MAGEC3: variants seen among roughly 807,000 people sequenced by gnomAD.
MAGEC3 encodes the protein MAGE family member C3, also known as melanoma-associated antigen C3.
MAGEC3 carries 34 observed loss-of-function variants against 35.3 expected under a neutral mutation model. That is an observed-to-expected ratio of 0.96 (90% CI 0.73 to 1.28). The LOEUF (loss-of-function observed/expected upper bound fraction) is 1.28. MAGEC3 is among the 50% of genes most tolerant of loss of function. The probability of loss-of-function intolerance (pLI) is 0.00; values close to 1 mark genes in which losing one functional copy is unlikely to be tolerated. For synonymous variants in MAGEC3, 202 were observed against 185.6 expected (o/e 1.09, Z -0.72); for missense variants, 561 against 483.6 (o/e 1.16, Z -1.50).
intron 4 of MAGEC3, among the ~76,000 whole-genome samples, chrX:141,893,745 T>C (rs1032628472): frequency 9.4e-6 from 1 of 106,353 alleles, no homozygotes; most frequent in African/African-American, 3.5e-5. Flanking sequence ...GTGAGAACTC[T>C]GTAACTTTGA....
chrX:141,881,703 G>A lies in MAGEC3; in HGVS notation c.816G>A (p.Gln272=). The part of the protein sequence containing the change: ...GSLSDEQGMP[Q]NRLLILILSV... ...TGAGTGATGAGCAGGGCATGCCCCA[G>A]AACCGCCTCCTGATTCTTATTCTGA... The change falls in exon 4 of 8, where the codon CAG becomes CAA. Residue 272 remains glutamine (Q), a synonymous_variant. Transcript: ENST00000298296. The A allele has an allele frequency of 8.3e-7, 1 of 1,211,501 alleles. No homozygotes were observed. The highest frequency in any genetic ancestry group is 1.1e-6 in the Non-Finnish European group (1 of 895,435).
chrX:141,847,227 T>G (rs2017722617), intron 1 of MAGEC3, among the ~76,000 whole-genome samples: 1 of 110,808 alleles, frequency 9.0e-6, no homozygotes, highest in African/African-American at 3.3e-5. Flanking sequence ...AACAAGCACT[T>G]GTTACCCTCT....
chrX:141,853,331 A>T (rs1214525216), intron 1 of MAGEC3, among the ~76,000 whole-genome samples: 2 of 111,257 alleles, frequency 1.8e-5, no homozygotes, highest in Non-Finnish European at 3.8e-5. Flanking sequence ...ATTCCCTTTG[A>T]TATAGCCTGG....
intron 4 of MAGEC3, among the ~76,000 whole-genome samples, chrX:141,883,183 G>C (rs932348612): frequency 8.9e-6 from 1 of 112,209 alleles, no homozygotes; most frequent in African/African-American, 3.2e-5. Context: ...TGAGAAATAA[G>C]GCGATAATTC....
At chrX:141,858,889 A>T (rs1241501884) in intron 1 of MAGEC3, among the ~76,000 whole-genome samples, 3 of 111,044 alleles carry the variant, frequency 2.7e-5, no homozygotes, top group Non-Finnish European at 5.7e-5. Context: ...TTTTTAAAAA[A>T]TGAAATATTA....
intron 1 of MAGEC3, among the ~76,000 whole-genome samples, chrX:141,862,605 AAAAG>A (rs757183488): frequency 8.9e-6 from 1 of 112,641 alleles, no homozygotes; most frequent in African/African-American, 3.2e-5. Context: ...TTCTGCCATG[AAAAG>A]AAAGAAGTTT....
intron 3 of MAGEC3, among the ~76,000 whole-genome samples, chrX:141,881,199 A>C (rs1258180670): frequency 4.6e-5 from 5 of 107,579 alleles, no homozygotes; most frequent in African/African-American, 1.4e-4. Flanking sequence ...CCTCCTCCTC[A>C]TCCTCTACTC....
intron 1 of MAGEC3, among the ~76,000 whole-genome samples, chrX:141,850,335 G>A (rs762700519): frequency 9.9e-5 from 11 of 110,554 alleles, no homozygotes; most frequent in African/African-American, 1.6e-4. Context: ...AATATACCAC[G>A]TAATAAGTCT....
intron 4 of MAGEC3, among the ~76,000 whole-genome samples, chrX:141,891,741 T>TATATATATTTATATATCAATATATG (rs2018044717): frequency 9.7e-6 from 1 of 103,382 alleles, no homozygotes; most frequent in African/African-American, 3.6e-5. Flanking sequence ...ATGCATATAT[T>TATATATATTTATATATCAATATATG]TATATATGTG....
chrX:141,864,526 A>C (rs766314050), intron 1 of MAGEC3, among the ~76,000 whole-genome samples: 1 of 111,057 alleles, frequency 9.0e-6, no homozygotes, highest in East Asian at 2.8e-4. Flanking sequence ...ACGCAGGAAC[A>C]GAAAACAAAA....
At chrX:141,868,991 C>T (rs954373079) in intron 2 of MAGEC3, among the ~76,000 whole-genome samples, 1 of 109,696 alleles carries the variant, frequency 9.1e-6, no homozygotes, top group African/African-American at 3.3e-5. Flanking sequence ...ACGCCATTCT[C>T]CTGCCTCAGC....
rs176025 is a variant in MAGEC3 at position 141,895,317 on chromosome X, C to T, written c.958C>T (p.Leu320=). The T allele has an allele frequency of 0.25, 307,733 of 1,207,295 alleles. 29,650 individuals carry two copies. Among genetic ancestry groups the T allele is most frequent in the African/African-American group, 0.44 (24,740 of 56,216 alleles). ...GFADVLSRLA[L]WESEGPEAFC... ...CGCGGATGTGCTTTCCCGACTTGCA[C>T]TGTGGGAGTCTGAAGGACCTGAAGC... Residue 320 remains leucine, a synonymous_variant, in exon 5 of 8, where the codon CTG becomes TTG. Coordinates refer to ENST00000298296, the MANE Select transcript of MAGEC3 (RefSeq NM_138702.1).
intron 1 of MAGEC3, among the ~76,000 whole-genome samples, chrX:141,847,241 A>G (rs11795728): frequency 0.49 from 53,741 of 109,299 alleles, 9,873 homozygotes; most frequent in Middle Eastern, 0.58. Context: ...ACCCTCTTTC[A>G]CGTTATTCAA....
chrX:141,865,577 G>A lies in MAGEC3; in HGVS notation c.230G>A (p.Ser77Asn). The change falls in exon 2 of 8, where the codon AGT (serine) becomes AAT (asparagine). Residue 77 changes from serine to asparagine, a missense_variant. By Grantham distance (46) the Ser-to-Asn change is conservative (BLOSUM62 1). Transcript: ENST00000298296. ...RGGTSDQRMD[S>N]LVLCPTYFKL... is the part of the protein sequence containing the mutation. Reference sequence around the variant, plus strand: ...GGAACTTCAGATCAGCGAATGGATAGTCTTGTCCTCTGCCCCACATACTTC... The same window carrying A: ...GGAACTTCAGATCAGCGAATGGATAATCTTGTCCTCTGCCCCACATACTTC... 8.3e-7 allele frequency: 1 copy of A among 1,208,420 alleles called. No homozygotes were observed. The highest frequency in any genetic ancestry group is 1.1e-6 in the Non-Finnish European group (1 of 893,787).
intron 2 of MAGEC3, among the ~76,000 whole-genome samples, chrX:141,872,308 G>A (rs755469091): frequency 1.5e-3 from 164 of 111,040 alleles, no homozygotes; most frequent in Non-Finnish European, 2.4e-3. Flanking sequence ...AACCAAGTTT[G>A]GTGAGGTTGC....
At chrX:141,840,456 A>G (rs746498923) in intron 1 of MAGEC3, among the ~76,000 whole-genome samples, 1 of 112,283 alleles carries the variant, frequency 8.9e-6, no homozygotes, top group African/African-American at 3.2e-5. Flanking sequence ...AGTATATGAT[A>G]TTGGAAAAAC....
chrX:141,880,286 T>C (rs1401424091), intron 3 of MAGEC3, among the ~76,000 whole-genome samples: 3 of 111,295 alleles, frequency 2.7e-5, no homozygotes, highest in African/African-American at 9.9e-5. Context: ...TACCTCCCAC[T>C]GCTCTCAGGG....
intron 2 of MAGEC3, among the ~76,000 whole-genome samples, chrX:141,868,951 G>A (rs1032485651): frequency 8.3e-5 from 9 of 107,962 alleles, no homozygotes; most frequent in African/African-American, 3.1e-4. Flanking sequence ...GTGCTATCTC[G>A]GCTCACTGCA....
At chrX:141,859,043 A>C (rs11095907) in intron 1 of MAGEC3, among the ~76,000 whole-genome samples, 50,890 of 106,719 alleles carry the variant, frequency 0.48, 9,338 homozygotes, top group African/African-American at 0.54. Context: ...CATATGACTA[A>C]CCCCAAATGA....
Sources: allele counts gnomAD v4.1 joint callset (sites outside exome capture counted in the v4.1 genomes callset), GRCh38; gene constraint gnomAD v4.1.1; transcripts MANE v1.5; gene names NCBI Gene and HGNC (gene_info 2026-07-23, HGNC 2026-07-21).